The following ADAMTS6 variants were observed in gnomAD, a reference collection of about 807,000 sequenced individuals.
The protein encoded by ADAMTS6 is A disintegrin and metalloproteinase with thrombospondin motifs 6.
A neutral mutation model predicts 144.3 loss-of-function variants in ADAMTS6; 23 were observed. The observed-to-expected ratio is 0.16, with a 90% CI of 0.11 to 0.23. The LOEUF is 0.23. Ranked by LOEUF, ADAMTS6 falls within the 10% of genes least tolerant of loss-of-function variation. ADAMTS6 has a pLI of 1.00. For missense variants in ADAMTS6, 999 were observed against 1,379.6 expected (o/e 0.72, Z 4.37); for synonymous variants, 444 against 457.5 (o/e 0.97, Z 0.38).
At chr5:65,375,060 T>C (rs1240345536) in intron 7 of ADAMTS6, among the ~76,000 whole-genome samples, 1 of 152,180 alleles carries the variant, frequency 6.6e-6, no homozygotes, top group African/African-American at 2.4e-5. Flanking sequence ...TAGCCATATG[T>C]AGAAAGCTGA....
intron 7 of ADAMTS6, among the ~76,000 whole-genome samples, chr5:65,343,115 C>A (rs532766583): frequency 6.6e-6 from 1 of 151,980 alleles, no homozygotes; most frequent in Non-Finnish European, 1.5e-5. Context: ...TTAAAATGAC[C>A]ATACTACCCA....
chr5:65,228,223 T>G (rs1313926929), intron 15 of ADAMTS6, among the ~76,000 whole-genome samples: 1 of 147,146 alleles, frequency 6.8e-6, no homozygotes, highest in Non-Finnish European at 1.5e-5. Context: ...TGGAATTTAA[T>G]ATAGCATTTT....
chr5:65,469,023 T>C (rs1441420502), intron 3 of ADAMTS6, among the ~76,000 whole-genome samples: 1 of 152,242 alleles, frequency 6.6e-6, no homozygotes, highest in African/African-American at 2.4e-5. Flanking sequence ...CATTCATATA[T>C]ACTTTCATCC....
chr5:65,192,128 G>A (rs1436336636), intron 21 of ADAMTS6, among the ~76,000 whole-genome samples: 1 of 151,888 alleles, frequency 6.6e-6, no homozygotes, highest in Admixed American at 6.6e-5. Context: ...TCAGAATAAT[G>A]GTTATTAAAC....
At chr5:65,406,603 A>C (rs900140664) in intron 7 of ADAMTS6, among the ~76,000 whole-genome samples, 3 of 152,076 alleles carry the variant, frequency 2.0e-5, no homozygotes, top group African/African-American at 4.8e-5. Flanking sequence ...TTGGTCTAAA[A>C]TTCTCTTTTT....
At chr5:65,376,460 G>A (rs949516425) in intron 7 of ADAMTS6, among the ~76,000 whole-genome samples, 3 of 151,134 alleles carry the variant, frequency 2.0e-5, no homozygotes, top group Non-Finnish European at 4.4e-5. Context: ...CAAAAAAAAA[G>A]GAAGGAAAGA....
intron 19 of ADAMTS6, 117 bp downstream of exon 19, chr5:65,215,203 ATTTT>A: frequency 1.6e-6 from 2 of 1,248,684 alleles, no homozygotes; most frequent in East Asian, 4.9e-5. Context: ...TGGGTAAATC[ATTTT>A]ATCTTTATTT....
At chr5:65,299,877 G>A in intron 10 of ADAMTS6, 108 bp downstream of exon 10, 1 of 1,206,424 alleles carries the variant, frequency 8.3e-7, no homozygotes, top group South Asian at 1.7e-5. Flanking sequence ...ACATCAGTAG[G>A]CCCTATAAAA....
Position 65,422,413 on chromosome 5 carries a change from C to T in ADAMTS6, c.1073+29062G>A, listed in dbSNP as rs561996426. Among the ~76,000 whole-genome samples the T allele has an allele frequency of 1.2e-4, 19 of 152,244 alleles. 1 individual carries two copies. The South Asian group carries it at 3.7e-3, about 30-fold the overall frequency. ...TTGGGAGTCCAAGGCGGGCGGATCA[C>T]GAGGTCAGGACCATCCTGGCCAACA... On this transcript the variant is annotated intron_variant, in intron 7 of 24. Transcript: ENST00000381055.
rs550045367 is a variant in ADAMTS6, at chr5:65,469,826, G to C, written c.462+952C>G. ...GAAACAGAAATAAGAATATGGGTAT[G>C]TTATAATAAAAAAGAAAAAGTTTCT... On this transcript the variant is annotated intron_variant, in intron 3 of 24. Coordinates refer to ENST00000381055, the MANE Select transcript of ADAMTS6 (RefSeq NM_197941.4). 4.6e-5 allele frequency among the ~76,000 whole-genome samples: 7 copies of C among 152,264 alleles called. No homozygotes were observed. In the South Asian group the frequency reaches 1.4e-3, roughly 32 times the overall value.
chr5:65,200,722 TG>T (rs1401019785), intron 20 of ADAMTS6, among the ~76,000 whole-genome samples: 3 of 152,192 alleles, frequency 2.0e-5, no homozygotes, highest in Middle Eastern at 3.2e-3. Context: ...TGTATGTATA[TG>T]TTTTTTTAAT....
At chr5:65,343,101 A>G (rs1748004396) in intron 7 of ADAMTS6, among the ~76,000 whole-genome samples, 1 of 152,152 alleles carries the variant, frequency 6.6e-6, no homozygotes. Flanking sequence ...AAGAATTAAT[A>G]CTGTTAAAAT....
At chr5:65,455,091 G>T (rs1230165217) in intron 4 of ADAMTS6, among the ~76,000 whole-genome samples, 2 of 152,176 alleles carry the variant, frequency 1.3e-5, no homozygotes, top group East Asian at 3.9e-4. Flanking sequence ...TCTTACTCTG[G>T]CTAAACAGCT....
chr5:65,317,994 G>A (rs1745176941), intron 9 of ADAMTS6, among the ~76,000 whole-genome samples: 1 of 147,108 alleles, frequency 6.8e-6, no homozygotes, highest in Non-Finnish European at 1.5e-5. Flanking sequence ...AGAATGGCGT[G>A]AACCTGGGAG....
At chr5:65,370,852 C>T (rs1162027903) in intron 7 of ADAMTS6, among the ~76,000 whole-genome samples, 5 of 152,220 alleles carry the variant, frequency 3.3e-5, no homozygotes, top group African/African-American at 1.2e-4. Flanking sequence ...CAGCAGTAAC[C>T]TCTGCAGACT....
At chr5:65,348,740 G>A (rs991602840) in intron 7 of ADAMTS6, among the ~76,000 whole-genome samples, 2 of 151,308 alleles carry the variant, frequency 1.3e-5, no homozygotes. Context: ...ACATATATCA[G>A]AACATAACAT....
chr5:65,222,683 A>G (rs1580102488), intron 18 of ADAMTS6, among the ~76,000 whole-genome samples: 1 of 152,052 alleles, frequency 6.6e-6, no homozygotes, highest in Non-Finnish European at 1.5e-5. Flanking sequence ...TTTAATGACT[A>G]TATTTTGCAT....
chr5:65,192,892 T>C (rs1422726781), intron 21 of ADAMTS6, among the ~76,000 whole-genome samples: 1 of 151,988 alleles, frequency 6.6e-6, no homozygotes, highest in Admixed American at 6.6e-5. Flanking sequence ...ATTTTCTCTA[T>C]AAGGACAAAT....
chr5:65,481,702 TG>T lies in ADAMTS6; in HGVS notation c.-640del. The T allele has an allele frequency of 6.6e-6, 1 of 151,620 alleles. No individual in the cohort carries two copies. The allele number at this position is 151,620 out of a possible 1,614,324, so 9.4% of individuals were successfully genotyped here. On this transcript the variant is annotated 5_prime_UTR_variant, in exon 1 of 25. An upstream open reading frame in the 5' UTR loses its in-frame stop. Coordinates refer to ENST00000381055, the MANE Select transcript of ADAMTS6 (RefSeq NM_197941.4). ...GACGGGAAAAAAGACTTATTGGGGGTGGAAGTGGTGCCCTCTCTTCCTGGAA... is the reference window on the plus strand; with the variant it reads ...GACGGGAAAAAAGACTTATTGGGGGTGAAGTGGTGCCCTCTCTTCCTGGAA...
Sources: gnomAD v4.1 joint callset for allele counts (sites outside exome capture counted in the v4.1 genomes callset) on GRCh38, gnomAD v4.1.1 for gene constraint, MANE v1.5 for transcripts, NCBI Gene and HGNC (gene_info 2026-07-23, HGNC 2026-07-21) for gene names.